Variants in CDH24 observed in about 807,000 individuals in gnomAD.
The protein encoded by CDH24 is cadherin-24.
Under a neutral mutation model 71.2 loss-of-function variants are expected in CDH24, and 61 were observed. That is an observed-to-expected ratio of 0.86 (90% CI 0.70 to 1.06). The LOEUF is 1.06. CDH24 is among the 50% of genes least tolerant of loss of function. The pLI, the probability that CDH24 is intolerant of heterozygous loss-of-function variation, is 0.00. For synonymous variants in CDH24, 440 were observed against 470.2 expected (o/e 0.94, Z 0.83); for missense variants, 961 against 1,083.7 (o/e 0.89, Z 1.59).
At chr14:23,052,029 C>G in intron 8 of CDH24, 1 of 1,587,160 alleles carries the variant, frequency 6.3e-7, no homozygotes, top group South Asian at 1.1e-5. Context: ...TGCTGGTGCA[C>G]TCCACTCAGC....
intron 7 of CDH24, 108 bp from the exon 8 acceptor site, chr14:23,052,717 C>T (rs373969242): frequency 7.8e-6 from 9 of 1,151,462 alleles, no homozygotes; most frequent in African/African-American, 7.6e-5. Context: ...CTCATGACTC[C>T]TCTGGGTAGA....
At position 23,048,031 on chromosome 14, in the gene CDH24, G is replaced by A. The variant is rs2047054055; in HGVS notation, c.2295C>T (p.Leu765=). The change falls in exon 12 of 13, where the codon CTC becomes CTT. Residue 765 remains leucine (L), a synonymous_variant. Transcript: ENST00000487137. The part of the protein sequence containing the change: ...PAEPLDDWGP[L]FRTLAELYGA... ...CATACAGCTCGGCCAGGGTGCGGAAGAGCGGACCCCAGTCGTCCAGCGGCT... is the reference window on the plus strand; with the variant it reads ...CATACAGCTCGGCCAGGGTGCGGAAAAGCGGACCCCAGTCGTCCAGCGGCT... 5 of 1,449,304 alleles carry A rather than the reference G, an allele frequency of 3.4e-6. No individual in the cohort carries two copies. The highest frequency in any genetic ancestry group is 4.5e-6 in the Non-Finnish European group (5 of 1,106,366). The allele number at this position is 1,449,304 out of a possible 1,614,324, so 89.8% of individuals were successfully genotyped here. A position where few individuals can be genotyped will look rare whatever the true frequency, so the allele number is the denominator to read the frequency against.
chr14:23,056,421 G>C (rs1361293334), intron 1 of CDH24, among the ~76,000 whole-genome samples: 2 of 152,246 alleles, frequency 1.3e-5, no homozygotes, highest in Non-Finnish European at 2.9e-5. Flanking sequence ...TTGGGAGCCA[G>C]AGCTGAAGGA....
At position 23,049,697 on chromosome 14, in the gene CDH24, G is replaced by A. The variant is rs1300472290; in HGVS notation, c.1527C>T (p.Gly509=). 1 of 1,612,064 alleles carries A rather than the reference G, an allele frequency of 6.2e-7. No homozygotes were observed. The highest frequency in any genetic ancestry group is 1.1e-5 in the South Asian group (1 of 90,856). ...CTTGAAAGGAGACATGGCTACTGTT[G>A]CCAACTTCATCTCTGTCCAGGGCCC... ...VIRALDRDEV[G]NSSHVSFQGP... Residue 509 remains glycine, a synonymous_variant, in exon 10 of 13, where the codon GGC becomes GGT. Coordinates refer to ENST00000487137, the MANE Select transcript of CDH24 (RefSeq NM_144985.4).
At position 23,052,077 on chromosome 14, in the gene CDH24, C is replaced by T. The variant is rs771578171; in HGVS notation, c.1363+396G>A. ...TACCCAGCCCCTTTCTGGCCCCCAG[C>T]TCCAGCCTGAAGCAGAGAGTGGGCA... On this transcript the variant is annotated intron_variant, in intron 8 of 12. Coordinates refer to ENST00000487137, the MANE Select transcript of CDH24 (RefSeq NM_144985.4). 8 of 1,551,832 alleles carry T rather than the reference C, an allele frequency of 5.2e-6. No individual in the cohort carries two copies. The East Asian group carries it at 1.7e-4, about 33-fold the overall frequency.
Position 23,049,608 on chromosome 14 carries a change from G to A in CDH24, c.1597+19C>T, listed in dbSNP as rs2047069283. 7.2e-7 allele frequency: 1 copy of A among 1,391,104 alleles called. No individual in the cohort carries two copies. The highest frequency in any genetic ancestry group is 9.9e-7 in the Non-Finnish European group (1 of 1,006,950). 86.2% of individuals were successfully genotyped at this position (1,391,104 alleles called of 1,614,324 possible). ...GGGGACAGAGGCAGGTATGGACATG[G>A]CTGTAGGAGGCCACCTACCTCGGTT... On this transcript the variant is annotated intron_variant, in intron 10 of 12. Coordinates refer to ENST00000487137, the MANE Select transcript of CDH24 (RefSeq NM_144985.4).
At chr14:23,050,219 A>G (rs1029144061) in intron 8 of CDH24, 9 of 340,056 alleles carry the variant, frequency 2.6e-5, no homozygotes, top group Non-Finnish European at 4.4e-5. Context: ...ACAATAACCC[A>G]CATGCAGGGC....
rs766378415 is a variant in CDH24 at position 23,052,509 on chromosome 14, C to T, written c.1327G>A (p.Ala443Thr). The change falls in exon 8 of 13, where the codon GCC becomes ACC. Residue 443 changes from alanine to threonine, a missense_variant. Ala to Thr is a moderately conservative substitution (Grantham distance 58). Coordinates refer to ENST00000487137, the MANE Select transcript of CDH24 (RefSeq NM_144985.4). ...TAAPLDREAR[A>T]WHNLTVLATE... ...GCCAGCACAGTGAGGTTGTGCCAGG[C>T]GCGAGCCTCGCGATCCAGGGGTGCT... 20 of 1,613,892 alleles carry T rather than the reference C, an allele frequency of 1.2e-5. No homozygotes were observed. Among genetic ancestry groups the T allele is most frequent in the African/African-American group, 1.1e-4 (8 of 74,920 alleles).
intron 8 of CDH24, 38 bp from the exon 9 acceptor site, chr14:23,049,981 C>T (rs1216515492): frequency 1.2e-6 from 2 of 1,601,464 alleles, no homozygotes; most frequent in South Asian, 2.2e-5. Context: ...GCCACACACA[C>T]ACCACACAGT....
chr14:23,052,426 C>A (rs2047091675), intron 8 of CDH24, 47 bp downstream of exon 8: 1 of 1,609,290 alleles, frequency 6.2e-7, no homozygotes, highest in Non-Finnish European at 8.5e-7. Flanking sequence ...AGGGACAGCT[C>A]CTCGGCCAGG....
rs1046055780 is a variant in CDH24 at position 23,054,346 on chromosome 14, G to A, written c.785-18C>T. 8 of 1,563,076 alleles carry A rather than the reference G, an allele frequency of 5.1e-6. No homozygotes were observed. The highest frequency in any genetic ancestry group is 6.9e-6 in the Non-Finnish European group (8 of 1,151,492). ...GTATAGGCCTTGGGATGACAGAGGG[G>A]AGACACCTTCTCAGAGAGGTCCCCA... On this transcript the variant is annotated intron_variant, in intron 5 of 12. Transcript: ENST00000487137. This position sits in a 1 kb window ranked among gnomAD's most constrained non-coding sequence, Gnocchi z 5.2.
chr14:23,053,575 C>G lies in CDH24; in HGVS notation c.1147G>C (p.Val383Leu). 1 of 1,612,478 alleles carries G rather than the reference C, an allele frequency of 6.2e-7. No individual in the cohort carries two copies. Among genetic ancestry groups the G allele is most frequent in the Non-Finnish European group, 8.5e-7 (1 of 1,178,844 alleles). ...AFTQAAYHLT[V>L]PENKAPGTLV... The stretch of plus-strand genomic sequence containing the variant: ...GTCCCCGGGGCCTTGTTCTCAGGCA[C>G]TGTCAGGTGGTAGGCAGCCTGGGTG... The change falls in exon 7 of 13, where the codon GTG (valine) becomes CTG (leucine). Residue 383 changes from valine (V) to leucine (L), a missense_variant. By Grantham distance (32) the Val-to-Leu change is conservative. Around this residue, in one of 2 missense-constraint regions of CDH24, gnomAD observed 671 missense variants for 810.9 expected, o/e 0.83. Transcript: ENST00000487137.
At chr14:23,052,380 C>T (rs766102997) in intron 8 of CDH24, 93 bp downstream of exon 8, 38 of 1,368,872 alleles carry the variant, frequency 2.8e-5, no homozygotes, top group Non-Finnish European at 3.6e-5. Flanking sequence ...GGTGAGGGTG[C>T]GATGGCAGTT....
At position 23,050,006 on chromosome 14, in the gene CDH24, T is replaced by C. The variant is rs1594723931; in HGVS notation, c.1364-63A>G. ...CACCACACAGTTTACACGTAACATA[T>C]GTGGTGCATGGGCATGGATGCCACA... On this transcript the variant is annotated intron_variant, in intron 8 of 12. Transcript: ENST00000487137. 3.2e-6 allele frequency: 5 copies of C among 1,580,568 alleles called. No individual in the cohort carries two copies. The East Asian group carries it at 6.8e-5, about 21-fold the overall frequency.
chr14:23,049,160 T>TG lies in CDH24; in HGVS notation c.1712dup (p.Val572SerfsTer4), dbSNP rs2047064972. The TG allele has an allele frequency of 6.3e-7, 1 of 1,591,632 alleles. No homozygotes were observed. Among genetic ancestry groups the TG allele is most frequent in the Non-Finnish European group, 8.6e-7 (1 of 1,169,032 alleles). ...GGCAGCGGCACACACTAACAGTCAC[T>TG]GTGGCAGTGCTGCTCAGCGCCGGCT... On this transcript the variant is annotated frameshift_variant, in exon 11 of 13. Coordinates refer to ENST00000487137, the MANE Select transcript of CDH24 (RefSeq NM_144985.4). LOFTEE classifies it high-confidence loss of function.
chr14:23,055,931 C>A lies in CDH24; in HGVS notation c.-124-74G>T. 1 of 569,676 alleles carries A rather than the reference C, an allele frequency of 1.8e-6. No individual in the cohort carries two copies. Among genetic ancestry groups the A allele is most frequent in the Non-Finnish European group, 3.1e-6 (1 of 320,130 alleles). 35.3% of individuals were successfully genotyped at this position (569,676 alleles called of 1,614,324 possible). ...CCCCCGCAAAATTAGATGCTGAAGA[C>A]CAGACCTCCAAGGAACCAGACACTC... On this transcript the variant is annotated intron_variant, in intron 1 of 12. Coordinates refer to ENST00000487137, the MANE Select transcript of CDH24 (RefSeq NM_144985.4). The surrounding 1 kb of genome is among the most constrained non-coding windows in gnomAD (Gnocchi z 4.1).
rs775628380 is a variant in CDH24, at chr14:23,053,690, G to A, written c.1032C>T (p.Leu344=). ...YSFRVEATNT[L]IDPAYLRRGP... The stretch of plus-strand genomic sequence containing the variant: ...CTCGCCGCAGATAGGCTGGGTCAAT[G>A]AGCGTGTTGGTGGCCTCGACACGGA... The change falls in exon 7 of 13, where the codon CTC becomes CTT. Residue 344 remains leucine, a synonymous_variant. Transcript: ENST00000487137. The A allele has an allele frequency of 1.2e-6, 2 of 1,613,598 alleles. No homozygotes were observed. Among genetic ancestry groups the A allele is most frequent in the East Asian group, 2.2e-5 (1 of 44,902 alleles).
intron 6 of CDH24, 106 bp from the exon 7 acceptor site, chr14:23,053,855 G>T: frequency 8.6e-7 from 1 of 1,158,688 alleles, no homozygotes; most frequent in Non-Finnish European, 1.2e-6. Flanking sequence ...GCAGTGCTCA[G>T]TCCTCATGTG....
At chr14:23,050,133 T>A in intron 8 of CDH24, 190 bp from the exon 9 acceptor site, 1 of 729,546 alleles carries the variant, frequency 1.4e-6, no homozygotes, top group Non-Finnish European at 2.1e-6. Context: ...GTGCATACAA[T>A]ATTCATGTAG....
Sources: allele counts gnomAD v4.1 joint callset (sites outside exome capture counted in the v4.1 genomes callset), GRCh38; gene constraint gnomAD v4.1.1; regional missense constraint gnomAD v4.1.1; non-coding constraint Gnocchi (gnomAD v3.1); transcripts MANE v1.5; gene names NCBI Gene and HGNC (gene_info 2026-07-23, HGNC 2026-07-21).